Variants in FRMD4B observed in about 807,000 individuals in gnomAD.
FRMD4B encodes FERM domain containing 4B, also known as FERM domain-containing protein 4B.
In FRMD4B, 74 loss-of-function variants were observed where a neutral mutation model predicts 141.5. The ratio of observed to expected loss-of-function variants is 0.52; its 90% CI spans 0.43 to 0.63. The LOEUF (loss-of-function observed/expected upper bound fraction) is 0.63, where lower values mean the gene tolerates loss of function less well. Ranked by LOEUF, FRMD4B falls within the 30% of genes least tolerant of loss-of-function variation. The probability of loss-of-function intolerance (pLI) is 0.00; values close to 1 mark genes in which losing one functional copy is unlikely to be tolerated. For synonymous variants in FRMD4B, 506 were observed against 467.9 expected (o/e 1.08, Z -1.05); for missense variants, 1,366 against 1,253.4 (o/e 1.09, Z -1.36).
chr3:69,328,573 A>G (rs1702259588), intron 1 of FRMD4B, among the ~76,000 whole-genome samples: 1 of 152,196 alleles, frequency 6.6e-6, no homozygotes, highest in Non-Finnish European at 1.5e-5. Flanking sequence ...CAGGGCTGGT[A>G]TCACAAGATA....
At chr3:69,480,623 A>G (rs1173535231) in intron 1 of FRMD4B, among the ~76,000 whole-genome samples, 1 of 151,666 alleles carries the variant, frequency 6.6e-6, no homozygotes, top group Admixed American at 6.6e-5. Context: ...CCCTACTGGG[A>G]GGCGCCTCCC....
rs375425300 is a variant in FRMD4B at position 69,169,443 on chromosome 3, C to T, written c.*2418G>A. Among the ~76,000 whole-genome samples, 42 of 151,208 alleles carry T rather than the reference C, an allele frequency of 2.8e-4. 1 individual carries two copies. The highest frequency in any genetic ancestry group is 2.0e-3 in the East Asian group (10 of 5,128). ...CACGATCCTGGCTCACTGCAACCTC[C>T]GCCTCCTGGGCTCAAGATATCCTCC... On this transcript the variant is annotated 3_prime_UTR_variant, in exon 23 of 23. Coordinates refer to ENST00000398540, the MANE Select transcript of FRMD4B (RefSeq NM_015123.3).
At chr3:69,197,635 G>C (rs2092922280) in intron 12 of FRMD4B, 1 of 152,094 alleles carries the variant, frequency 6.6e-6, no homozygotes, top group African/African-American at 2.4e-5. Context: ...GAGGGGAAGT[G>C]AAAGAGAGAG....
chr3:69,189,864 A>G, intron 18 of FRMD4B, 32 bp downstream of exon 18: 1 of 1,382,208 alleles, frequency 7.2e-7, no homozygotes, highest in South Asian at 1.2e-5. Context: ...AATATCTAAC[A>G]TTTTTAAACC....
intron 1 of FRMD4B, among the ~76,000 whole-genome samples, chr3:69,314,727 C>A (rs746361861): frequency 1.3e-5 from 2 of 152,004 alleles, no homozygotes; most frequent in African/African-American, 4.8e-5. Context: ...TCCAGCTACT[C>A]TGGAGGCTGA....
intron 1 of FRMD4B, among the ~76,000 whole-genome samples, chr3:69,323,232 T>G (rs1702068042): frequency 6.6e-6 from 1 of 152,124 alleles, no homozygotes; most frequent in Non-Finnish European, 1.5e-5. Context: ...CTGCTGACTG[T>G]GTGCCTGATA....
chr3:69,187,674 A>T, intron 19 of FRMD4B, 96 bp downstream of exon 19: 1 of 1,163,244 alleles, frequency 8.6e-7, no homozygotes, highest in Non-Finnish European at 1.2e-6. Context: ...AAGGATAAAT[A>T]AAAACATGTG....
chr3:69,261,000 A>G (rs2093523528), intron 5 of FRMD4B, among the ~76,000 whole-genome samples: 1 of 152,208 alleles, frequency 6.6e-6, no homozygotes, highest in South Asian at 2.1e-4. Flanking sequence ...TCTCTGTAAA[A>G]TGGGCCAATC....
intron 1 of FRMD4B, among the ~76,000 whole-genome samples, chr3:69,512,018 CA>C (rs779222515): frequency 8.5e-5 from 13 of 152,156 alleles, no homozygotes; most frequent in Non-Finnish European, 1.8e-4. Flanking sequence ...GAACATTCCA[CA>C]TACAGAAATT....
intron 1 of FRMD4B, among the ~76,000 whole-genome samples, chr3:69,326,655 C>T (rs1251904950): frequency 6.6e-6 from 1 of 152,138 alleles, no homozygotes; most frequent in East Asian, 1.9e-4. Flanking sequence ...TGTCTGAGGT[C>T]CCACAGTTTA....
At chr3:69,250,122 T>C (rs2093452495) in intron 5 of FRMD4B, 23 bp from the exon 6 acceptor site, 2 of 1,536,388 alleles carry the variant, frequency 1.3e-6, no homozygotes, top group Non-Finnish European at 1.8e-6. Flanking sequence ...AAGGAAAGCA[T>C]CATTGAACAT....
chr3:69,516,479 G>A (rs1700757008), intron 1 of FRMD4B, among the ~76,000 whole-genome samples: 1 of 152,144 alleles, frequency 6.6e-6, no homozygotes, highest in African/African-American at 2.4e-5. Flanking sequence ...CAAAGCCAAG[G>A]AATATAGGCA....
At position 69,215,284 on chromosome 3, in the gene FRMD4B, C is replaced by CTT. The variant is rs577275162; in HGVS notation, c.876+977_876+978dup. Among the ~76,000 whole-genome samples, 170 of 45,210 alleles carry CTT rather than the reference C, an allele frequency of 3.8e-3. 54 individuals carry two copies. Among genetic ancestry groups the CTT allele is most frequent in the South Asian group, 9.6e-3 (9 of 934 alleles). The allele number at this position is 45,210 out of a possible 152,430, so 29.7% of individuals were successfully genotyped here. ...TCCAAATCTGATAGATTGTGACCCT[C>CTT]TTTTTTTTTTTTTTTTTTTTTTTTT... On this transcript the variant is annotated intron_variant, in intron 11 of 22. Coordinates refer to ENST00000398540, the MANE Select transcript of FRMD4B (RefSeq NM_015123.3).
intron 1 of FRMD4B, among the ~76,000 whole-genome samples, chr3:69,461,335 G>C (rs1470309474): frequency 6.6e-6 from 1 of 152,248 alleles, no homozygotes; most frequent in East Asian, 1.9e-4. Context: ...GGTGGGCCGA[G>C]ATTGCTTGAA....
At chr3:69,260,852 T>C (rs2093522432) in intron 5 of FRMD4B, among the ~76,000 whole-genome samples, 1 of 152,218 alleles carries the variant, frequency 6.6e-6, no homozygotes, top group Non-Finnish European at 1.5e-5. Flanking sequence ...AGTAGGCACT[T>C]GGAGAACTTT....
At chr3:69,204,861 T>C in intron 11 of FRMD4B, among the ~76,000 whole-genome samples, 1 of 152,060 alleles carries the variant, frequency 6.6e-6, no homozygotes. Context: ...CAGTACTATT[T>C]TAGTCTCACT....
At chr3:69,353,367 T>C (rs1703215888) in intron 1 of FRMD4B, among the ~76,000 whole-genome samples, 1 of 152,196 alleles carries the variant, frequency 6.6e-6, no homozygotes, top group Admixed American at 6.5e-5. Context: ...AAGATAAACA[T>C]TTCTTGTAAT....
intron 1 of FRMD4B, among the ~76,000 whole-genome samples, chr3:69,521,995 A>G (rs1360491695): frequency 6.6e-6 from 1 of 152,228 alleles, no homozygotes; most frequent in Non-Finnish European, 1.5e-5. Context: ...AAATCAATGA[A>G]TGCACCCTTT....
In FRMD4B at chr3:69,195,299, C is replaced by T; in HGVS notation, c.1300G>A (p.Glu434Lys). ...REKILELKKK[E>K]KLLQEKLLKK... ...AGAAGTTTTTCTTGTAATAGTTTCT[C>T]CTTCTTCTTTAGTTCAAGGATTTTT... Residue 434 changes from glutamate (E) to lysine (K), a missense_variant, in exon 15 of 23, where the codon GAG (glutamate) becomes AAG (lysine). Physicochemically the swap from Glu to Lys is moderately conservative, Grantham distance 56. Transcript: ENST00000398540. The T allele has an allele frequency of 6.2e-7, 1 of 1,613,240 alleles. No individual in the cohort carries two copies. Among genetic ancestry groups the T allele is most frequent in the Non-Finnish European group, 8.5e-7 (1 of 1,179,420 alleles).
Sources: allele counts gnomAD v4.1 joint callset (sites outside exome capture counted in the v4.1 genomes callset), GRCh38; gene constraint gnomAD v4.1.1; transcripts MANE v1.5; gene names NCBI Gene and HGNC (gene_info 2026-07-23, HGNC 2026-07-21).